ANAPC1: variants seen among roughly 807,000 people sequenced by gnomAD.
ANAPC1 encodes the protein anaphase promoting complex subunit 1.
Under a neutral mutation model 208.0 loss-of-function variants are expected in ANAPC1, and 36 were observed. That is an observed-to-expected ratio of 0.17 (90% CI 0.13 to 0.23). ANAPC1 has a LOEUF of 0.23. Among genes scored for constraint, ANAPC1 ranks in the 10% least tolerant of loss-of-function variants. The pLI is 1.00. For synonymous variants in ANAPC1, 378 were observed against 695.2 expected, an observed-to-expected ratio of 0.54 and a Z score of 7.18; for missense variants, 942 against 2,011.6, an observed-to-expected ratio of 0.47 and a Z score of 10.17.
intron 1 of ANAPC1, among the ~76,000 whole-genome samples, chr2:111,881,774 T>C (rs2104619776): frequency 6.6e-6 from 1 of 152,334 alleles, no homozygotes; most frequent in Non-Finnish European, 1.5e-5. Context: ...TGATGCAAGC[T>C]AGTCTTAAGA....
chr2:111,821,085 AAACTT>A (rs1679505792), intron 26 of ANAPC1, among the ~76,000 whole-genome samples, 149 bp downstream of exon 26: 1 of 152,036 alleles, frequency 6.6e-6, no homozygotes, highest in East Asian at 1.9e-4. Context: ...AGTTGGATGA[AAACTT>A]AAAACACAGG....
At chr2:111,852,620 T>C (rs1485015681) in intron 13 of ANAPC1, among the ~76,000 whole-genome samples, 1 of 152,220 alleles carries the variant, frequency 6.6e-6, no homozygotes, top group Non-Finnish European at 1.5e-5. Context: ...TTTTATCAAA[T>C]GATTTCTCTG....
chr2:111,856,593 G>C (rs754945675), intron 13 of ANAPC1, 21 bp downstream of exon 13: 5 of 1,603,718 alleles, frequency 3.1e-6, no homozygotes, highest in Non-Finnish European at 4.3e-6. Flanking sequence ...CTAAAGGCAT[G>C]AAGTGCTACT....
chr2:111,865,063 A>T, intron 7 of ANAPC1, 112 bp from the exon 8 acceptor site: 2 of 1,101,798 alleles, frequency 1.8e-6, no homozygotes, highest in Non-Finnish European at 2.5e-6. Flanking sequence ...AGCCAAAGAG[A>T]GCACAAAATT....
chr2:111,847,967 A>C (rs2066847418), intron 14 of ANAPC1, 102 bp from the exon 15 acceptor site: 2 of 957,152 alleles, frequency 2.1e-6, no homozygotes, highest in Admixed American at 3.0e-5. Context: ...AACAAACAAT[A>C]ATATGTAATG....
At chr2:111,770,073 C>T (rs200645867) in intron 47 of ANAPC1, among the ~76,000 whole-genome samples, 20,858 of 140,376 alleles carry the variant, frequency 0.15, 374 homozygotes, top group Admixed American at 0.16. Context: ...AAAACGTTTT[C>T]GATTTCAAAC....
intron 1 of ANAPC1, among the ~76,000 whole-genome samples, chr2:111,883,090 C>T (rs933181023): frequency 2.1e-5 from 3 of 145,398 alleles, no homozygotes; most frequent in Non-Finnish European, 4.5e-5. Flanking sequence ...TGCTTGAACA[C>T]GGGAGCCAGA....
chr2:111,863,546 T>C (rs1682209408), intron 9 of ANAPC1, 129 bp downstream of exon 9: 2 of 764,714 alleles, frequency 2.6e-6, no homozygotes, highest in African/African-American at 1.9e-5. Context: ...TCAATTGGGA[T>C]AATGGCTATT....
At chr2:111,797,817 T>C (rs1678237285) in intron 34 of ANAPC1, among the ~76,000 whole-genome samples, 1 of 113,228 alleles carries the variant, frequency 8.8e-6, no homozygotes, top group African/African-American at 3.9e-5. Flanking sequence ...AAATTTTCTT[T>C]CTAAAAATCA....
chr2:111,781,106 A>G (rs1466785154), intron 43 of ANAPC1, among the ~76,000 whole-genome samples: 1 of 148,954 alleles, frequency 6.7e-6, no homozygotes, highest in South Asian at 2.2e-4. Context: ...TAAACTTGGG[A>G]AAAAAACAGT....
At chr2:111,812,582 G>A (rs2104407632) in intron 28 of ANAPC1, among the ~76,000 whole-genome samples, 1 of 146,180 alleles carries the variant, frequency 6.8e-6, no homozygotes, top group East Asian at 2.0e-4. Context: ...GGAAAAAACT[G>A]AGAGAGGCTT....
intron 24 of ANAPC1, among the ~76,000 whole-genome samples, chr2:111,824,223 A>T (rs1679703662): frequency 7.8e-6 from 1 of 128,680 alleles, no homozygotes; most frequent in Admixed American, 8.7e-5. Flanking sequence ...AGTTATTGTC[A>T]TTTTTAAGGT....
chr2:111,816,810 C>T (rs1679262388), intron 27 of ANAPC1, among the ~76,000 whole-genome samples: 1 of 133,174 alleles, frequency 7.5e-6, no homozygotes, highest in Non-Finnish European at 1.6e-5. Context: ...CATACACACA[C>T]AAAGCACAAA....
In ANAPC1 at chr2:111,782,418, A is replaced by C. The variant is rs772867160; in HGVS notation, c.5153T>G (p.Leu1718Trp). The C allele has an allele frequency of 3.1e-6, 5 of 1,613,192 alleles. No homozygotes were observed. The African/African-American group carries it at 6.7e-5, about 22-fold the overall frequency. The change falls in exon 43 of 48, where the codon TTG (leucine) becomes TGG (tryptophan). Residue 1718 changes from leucine (L) to tryptophan (W), a missense_variant. Coordinates refer to ENST00000341068, the MANE Select transcript of ANAPC1 (RefSeq NM_022662.4). ...YKEDPMGWQS[L>W]LAQTVANRNS... ...CCTGTTAGCAACAGTCTGAGCCAACAAACTTTGCCATCCCATTGGATCTTC... is the reference window on the plus strand; with the variant it reads ...CCTGTTAGCAACAGTCTGAGCCAACCAACTTTGCCATCCCATTGGATCTTC...
intron 3 of ANAPC1, among the ~76,000 whole-genome samples, chr2:111,876,128 G>A (rs1193329131): frequency 6.6e-6 from 1 of 152,030 alleles, no homozygotes; most frequent in Admixed American, 6.6e-5. Flanking sequence ...AGTGGCTCAC[G>A]CCTGTAATCT....
chr2:111,793,456 C>T (rs1015890931), intron 37 of ANAPC1, among the ~76,000 whole-genome samples: 1 of 152,084 alleles, frequency 6.6e-6, no homozygotes, highest in African/African-American at 2.4e-5. Flanking sequence ...ACCTCCTGGG[C>T]TCAAATGATC....
At chr2:111,817,413 A>G (rs1170915549) in intron 27 of ANAPC1, among the ~76,000 whole-genome samples, 2 of 152,136 alleles carry the variant, frequency 1.3e-5, no homozygotes, top group African/African-American at 2.4e-5. Context: ...ACAGTTGGAA[A>G]GACTACTAAA....
chr2:111,775,942 A>G (rs1173958674), intron 46 of ANAPC1, among the ~76,000 whole-genome samples: 1 of 152,282 alleles, frequency 6.6e-6, no homozygotes, highest in East Asian at 1.9e-4. Flanking sequence ...TTAAATATAA[A>G]CATGGAGAGT....
intron 10 of ANAPC1, among the ~76,000 whole-genome samples, chr2:111,861,470 T>C (rs962750977): frequency 2.6e-5 from 4 of 151,828 alleles, no homozygotes; most frequent in African/African-American, 4.8e-5. Context: ...ACCAGAACTT[T>C]TGTTCTGATC....
Sources: allele counts gnomAD v4.1 joint callset (sites outside exome capture counted in the v4.1 genomes callset), GRCh38; gene constraint gnomAD v4.1.1; transcripts MANE v1.5; gene names NCBI Gene and HGNC (gene_info 2026-07-23, HGNC 2026-07-21).